UNC13C: variants seen among roughly 807,000 people sequenced by gnomAD.
UNC13C encodes the protein unc-13 homolog C.
UNC13C carries 174 observed loss-of-function variants against 245.4 expected under a neutral mutation model. That is an observed-to-expected ratio of 0.71 (90% CI 0.63 to 0.80). The LOEUF (loss-of-function observed/expected upper bound fraction) is 0.80, where lower values mean the gene tolerates loss of function less well. Ranked by LOEUF, UNC13C falls within the 30% of genes least tolerant of loss-of-function variation. UNC13C has a pLI of 0.00. For synonymous variants in UNC13C, 992 were observed against 895.1 expected (o/e 1.11, Z -1.93); for missense variants, 2,829 against 2,602.9 (o/e 1.09, Z -1.89).
chr15:53,844,655 C>T, the UNC13C span, among the ~76,000 whole-genome samples: 1 of 152,084 alleles, frequency 6.6e-6, no homozygotes, highest in South Asian at 2.1e-4. Context: ...GCAGAAGATG[C>T]ATCTCAAAGG....
chr15:54,229,761 A>C (rs2035496832), intron 4 of UNC13C, among the ~76,000 whole-genome samples: 2 of 152,052 alleles, frequency 1.3e-5, no homozygotes, highest in African/African-American at 2.4e-5. Context: ...GTATCTTTTG[A>C]CCAATATCTC....
chr15:54,561,158 C>T (rs931113924), intron 29 of UNC13C, among the ~76,000 whole-genome samples: 2 of 151,924 alleles, frequency 1.3e-5, no homozygotes, highest in African/African-American at 4.8e-5. Context: ...CACTTTTTCC[C>T]TATAAGAGCA....
At chr15:54,301,404 C>T (rs145419456) in intron 13 of UNC13C, among the ~76,000 whole-genome samples, 1 of 151,706 alleles carries the variant, frequency 6.6e-6, no homozygotes, top group Non-Finnish European at 1.5e-5. Flanking sequence ...CCATCATCTA[C>T]ATTAGGTATT....
intron 2 of UNC13C, among the ~76,000 whole-genome samples, chr15:54,112,701 G>A (rs1170849255): frequency 6.6e-6 from 1 of 152,074 alleles, no homozygotes; most frequent in East Asian, 1.9e-4. Flanking sequence ...AATAATTTTG[G>A]TGCTGCTTTT....
chr15:54,045,078 A>T (rs1416274725), intron 2 of UNC13C, among the ~76,000 whole-genome samples: 1 of 152,084 alleles, frequency 6.6e-6, no homozygotes, highest in Non-Finnish European at 1.5e-5. Flanking sequence ...TTAAATTTTG[A>T]TGGAGTGTAA....
intron 2 of UNC13C, among the ~76,000 whole-genome samples, chr15:54,059,122 G>A (rs571951585): frequency 2.6e-5 from 4 of 152,246 alleles, no homozygotes; most frequent in African/African-American, 9.6e-5. Context: ...GGGCAATCAG[G>A]CAGGAGAAAG....
intron 16 of UNC13C, among the ~76,000 whole-genome samples, chr15:54,338,088 T>C (rs1056094244): frequency 6.6e-6 from 1 of 152,204 alleles, no homozygotes; most frequent in Admixed American, 6.5e-5. Context: ...GAATATTTGT[T>C]GAATGATGGA....
the UNC13C span, among the ~76,000 whole-genome samples, chr15:53,841,329 T>C: frequency 6.6e-6 from 1 of 152,102 alleles, no homozygotes; most frequent in Non-Finnish European, 1.5e-5. Context: ...CCCAGTGAAA[T>C]AAACTCCCAT....
chr15:53,851,638 G>C, the UNC13C span, among the ~76,000 whole-genome samples: 31 of 152,290 alleles, frequency 2.0e-4, no homozygotes, highest in African/African-American at 7.2e-4. Context: ...GCCGTGCCCT[G>C]TACCCTGGAG....
intron 23 of UNC13C, among the ~76,000 whole-genome samples, chr15:54,511,196 C>T (rs1360153984): frequency 6.6e-6 from 1 of 152,038 alleles, no homozygotes; most frequent in Non-Finnish European, 1.5e-5. Flanking sequence ...AAAAAGAACG[C>T]TCTAACCTGA....
At chr15:54,362,583 A>G (rs994794261) in intron 17 of UNC13C, among the ~76,000 whole-genome samples, 1 of 152,162 alleles carries the variant, frequency 6.6e-6, no homozygotes, top group Non-Finnish European at 1.5e-5. Flanking sequence ...TTTCCATTGC[A>G]GGGTTCACAA....
chr15:54,186,511 A>G (rs1458902906), intron 4 of UNC13C, among the ~76,000 whole-genome samples: 3 of 152,172 alleles, frequency 2.0e-5, no homozygotes, highest in Non-Finnish European at 4.4e-5. Flanking sequence ...TTAATTATAT[A>G]CTTCAGGATT....
rs951840024 is a variant in UNC13C at position 54,437,881 on chromosome 15, C to T, written c.4933+22814C>T. On this transcript the variant is annotated intron_variant, in intron 19 of 32. Transcript: ENST00000260323. The stretch of plus-strand genomic sequence containing the variant: ...GGATTTTAAGTAAGGTACTTACAAG[C>T]AGCTCAAGGTTTTGCTACCTTTTAG... Among the ~76,000 whole-genome samples the T allele has an allele frequency of 1.1e-4, 16 of 151,896 alleles. 2 individuals carry two copies. Among genetic ancestry groups the T allele is most frequent in the Admixed American group, 9.9e-4 (15 of 15,222 alleles).
At chr15:53,841,106 G>T in the UNC13C span, among the ~76,000 whole-genome samples, 1 of 152,092 alleles carries the variant, frequency 6.6e-6, no homozygotes, top group East Asian at 1.9e-4. Flanking sequence ...ACCACCTACT[G>T]TGTGCCACGC....
At position 54,015,844 on chromosome 15, in the gene UNC13C, A is replaced by G. The variant is rs1234405190; in HGVS notation, c.2941A>G (p.Lys981Glu). 4.4e-6 allele frequency: 7 copies of G among 1,604,860 alleles called. No homozygotes were observed. Among genetic ancestry groups the G allele is most frequent in the Non-Finnish European group, 6.0e-6 (7 of 1,176,348 alleles). ...SFKEAALRAY[K>E]KQMAELEEKI... The stretch of plus-strand genomic sequence containing the variant: ...CAAAGAAGCAGCTTTAAGGGCCTAT[A>G]AAAAGCAAATGGCAGAGTTGGAAGA... Residue 981 changes from lysine to glutamate, a missense_variant, in exon 2 of 33, where the codon AAA becomes GAA. By Grantham distance (56) the Lys-to-Glu change is moderately conservative. Transcript: ENST00000260323.
At chr15:54,041,527 T>C (rs1019482514) in intron 2 of UNC13C, among the ~76,000 whole-genome samples, 13 of 152,220 alleles carry the variant, frequency 8.5e-5, no homozygotes, top group African/African-American at 3.1e-4. Context: ...CAGCAATGAA[T>C]AGACATGCCT....
chr15:54,449,180 C>T lies in UNC13C; in HGVS notation c.4933+34113C>T, dbSNP rs1348493520. Reference sequence around the variant, plus strand: ...TATGGGCTTCCCTTTGTGGGTAACCCGACTTTTCTCTCTGGCTGCCCTTAA... The same window carrying T: ...TATGGGCTTCCCTTTGTGGGTAACCTGACTTTTCTCTCTGGCTGCCCTTAA... On this transcript the variant is annotated intron_variant, in intron 19 of 32. Coordinates refer to ENST00000260323, the MANE Select transcript of UNC13C (RefSeq NM_001080534.3). Among the ~76,000 whole-genome samples the T allele has an allele frequency of 2.0e-5, 3 of 152,200 alleles. No individual in the cohort carries two copies. The East Asian group carries it at 5.8e-4, about 29-fold the overall frequency.
intron 2 of UNC13C, among the ~76,000 whole-genome samples, chr15:54,053,616 T>A (rs1897368313): frequency 6.6e-6 from 1 of 152,168 alleles, no homozygotes; most frequent in South Asian, 2.1e-4. Context: ...CCTCAATAAT[T>A]TATCCTTTCT....
chr15:54,444,985 C>T lies in UNC13C; in HGVS notation c.4933+29918C>T, dbSNP rs191767366. ...CCCCCCTCCCCCCACCCCACAACAG[C>T]CCCTGGTGTGTGATGTTCCCCTTCC... is the stretch of plus-strand genomic sequence containing the variant. On this transcript the variant is annotated intron_variant, in intron 19 of 32. Coordinates refer to ENST00000260323, the MANE Select transcript of UNC13C (RefSeq NM_001080534.3). Among the ~76,000 whole-genome samples the T allele has an allele frequency of 4.1e-3, 486 of 118,558 alleles. 3 individuals carry two copies. Among genetic ancestry groups the T allele is most frequent in the African/African-American group, 0.013 (433 of 32,130 alleles). 77.8% of individuals were successfully genotyped at this position (118,558 alleles called of 152,430 possible).
Sources: gnomAD v4.1 joint callset for allele counts (sites outside exome capture counted in the v4.1 genomes callset) on GRCh38, gnomAD v4.1.1 for gene constraint, MANE v1.5 for transcripts, NCBI Gene and HGNC (gene_info 2026-07-23, HGNC 2026-07-21) for gene names.